LRRTM4: variants seen among roughly 807,000 people sequenced by gnomAD.
LRRTM4 encodes leucine-rich repeat transmembrane neuronal protein 4.
Under a neutral mutation model 47.6 loss-of-function variants are expected in LRRTM4, and 25 were observed. That is an observed-to-expected ratio of 0.53 (90% CI 0.38 to 0.73). The LOEUF (loss-of-function observed/expected upper bound fraction) is 0.73. Ranked by LOEUF, LRRTM4 falls within the 30% of genes least tolerant of loss-of-function variation. The probability of loss-of-function intolerance (pLI) is 0.00; values close to 1 mark genes in which losing one functional copy is unlikely to be tolerated. For missense variants in LRRTM4, 638 were observed against 713.4 expected (o/e 0.89, Z 1.20); for synonymous variants, 311 against 269.5 (o/e 1.15, Z -1.51).
intron 3 of LRRTM4, among the ~76,000 whole-genome samples, chr2:76,824,467 C>T (rs1224033501): frequency 6.6e-6 from 1 of 151,484 alleles, no homozygotes; most frequent in Non-Finnish European, 1.5e-5. Flanking sequence ...TTTTGAGTAG[C>T]ACATATACAC....
chr2:76,915,950 A>T (rs559940138), intron 3 of LRRTM4, among the ~76,000 whole-genome samples: 1 of 152,288 alleles, frequency 6.6e-6, no homozygotes, highest in South Asian at 2.1e-4. Flanking sequence ...GCCTCTTAAA[A>T]GGCAGTTTGT....
At chr2:77,349,541 T>C (rs74924607) in intron 3 of LRRTM4, among the ~76,000 whole-genome samples, 1 of 152,204 alleles carries the variant, frequency 6.6e-6, no homozygotes, top group African/African-American at 2.4e-5. Context: ...TAGAGTTTTG[T>C]TGTCGTTTGT....
At chr2:77,256,623 T>C (rs1323431742) in intron 3 of LRRTM4, among the ~76,000 whole-genome samples, 1 of 152,166 alleles carries the variant, frequency 6.6e-6, no homozygotes, top group Non-Finnish European at 1.5e-5. Context: ...ATTTAAGACA[T>C]GACTTTGTTT....
chr2:77,515,830 C>T (rs759234671), intron 3 of LRRTM4, among the ~76,000 whole-genome samples: 2 of 151,678 alleles, frequency 1.3e-5, no homozygotes, highest in Admixed American at 6.6e-5. Flanking sequence ...AATTTTACTC[C>T]GAGTGACAAA....
At chr2:76,924,915 G>A (rs535866774) in intron 3 of LRRTM4, among the ~76,000 whole-genome samples, 1 of 151,982 alleles carries the variant, frequency 6.6e-6, no homozygotes, top group Non-Finnish European at 1.5e-5. Context: ...TAACTTTAAA[G>A]CCGGAACCCT....
chr2:76,944,990 G>T (rs1246415565), intron 3 of LRRTM4, among the ~76,000 whole-genome samples: 1 of 152,018 alleles, frequency 6.6e-6, no homozygotes, highest in Admixed American at 6.6e-5. Context: ...AAACTACACA[G>T]TTTGAAGAAT....
At chr2:76,876,917 T>A (rs1209343855) in intron 3 of LRRTM4, among the ~76,000 whole-genome samples, 1 of 152,114 alleles carries the variant, frequency 6.6e-6, no homozygotes, top group Admixed American at 6.5e-5. Context: ...AGTCACACTG[T>A]TAAATTGTTT....
chr2:77,003,321 C>T (rs967559006), intron 3 of LRRTM4, among the ~76,000 whole-genome samples: 2 of 151,826 alleles, frequency 1.3e-5, no homozygotes, highest in Admixed American at 6.6e-5. Flanking sequence ...TTATGTAGAG[C>T]TTATAATATA....
chr2:76,773,622 A>T (rs1437387840), intron 3 of LRRTM4, among the ~76,000 whole-genome samples: 1 of 151,834 alleles, frequency 6.6e-6, no homozygotes, highest in Non-Finnish European at 1.5e-5. Flanking sequence ...TAAAAATAAA[A>T]AATAAATAAT....
intron 3 of LRRTM4, among the ~76,000 whole-genome samples, chr2:77,306,897 ATTTT>A (rs774697360): frequency 5.3e-5 from 6 of 112,412 alleles, no homozygotes; most frequent in African/African-American, 2.2e-4. Context: ...GCTTTTCCAT[ATTTT>A]TTTTTTTTTT....
intron 3 of LRRTM4, among the ~76,000 whole-genome samples, chr2:77,010,328 T>A (rs1677822126): frequency 7.0e-6 from 1 of 143,738 alleles, no homozygotes; most frequent in Non-Finnish European, 1.5e-5. Context: ...TATTTTACTT[T>A]CTGTTTCTAT....
chr2:77,156,103 C>A (rs1672553044), intron 3 of LRRTM4, among the ~76,000 whole-genome samples: 1 of 151,740 alleles, frequency 6.6e-6, no homozygotes, highest in Non-Finnish European at 1.5e-5. Context: ...ATAAAGTACT[C>A]TGAAAGGTAT....
chr2:77,424,271 T>C (rs1190369310), intron 3 of LRRTM4, among the ~76,000 whole-genome samples: 2 of 152,036 alleles, frequency 1.3e-5, no homozygotes, highest in East Asian at 1.9e-4. Flanking sequence ...GTTTTTGAAA[T>C]AAGAAGCAAT....
At chr2:77,253,298 A>G (rs546667173) in intron 3 of LRRTM4, among the ~76,000 whole-genome samples, 22 of 152,242 alleles carry the variant, frequency 1.4e-4, no homozygotes, top group Admixed American at 1.1e-3. Context: ...CCCTACTTTT[A>G]CCTGGGTTGG....
At chr2:76,794,897 T>G (rs1474706787) in intron 3 of LRRTM4, among the ~76,000 whole-genome samples, 1 of 152,092 alleles carries the variant, frequency 6.6e-6, no homozygotes. Context: ...ACCACAGTTG[T>G]AGAAAAATTA....
rs1179624374 is a variant in LRRTM4 at position 77,407,732 on chromosome 2, A to G, written c.1551+110586T>C. ...TATATCATATATTATATTATATATT[A>G]TATATTATATTCTATTATATTATGA... is the stretch of plus-strand genomic sequence containing the variant. On this transcript the variant is annotated intron_variant, in intron 3 of 3. Coordinates refer to ENST00000409884, the MANE Select transcript of LRRTM4 (RefSeq NM_001134745.3). Among the ~76,000 whole-genome samples the G allele has an allele frequency of 2.1e-5, 3 of 142,506 alleles. No individual in the cohort carries two copies. The East Asian group carries it at 5.9e-4, about 28-fold the overall frequency. 93.5% of individuals were successfully genotyped at this position (142,506 alleles called of 152,430 possible).
intron 3 of LRRTM4, among the ~76,000 whole-genome samples, chr2:77,138,862 A>G (rs1672029785): frequency 6.6e-6 from 1 of 152,232 alleles, no homozygotes; most frequent in African/African-American, 2.4e-5. Flanking sequence ...CAAATAAACT[A>G]GAAAATCTAG....
chr2:76,767,432 A>T (rs1442469350), intron 3 of LRRTM4, among the ~76,000 whole-genome samples: 1 of 152,172 alleles, frequency 6.6e-6, no homozygotes, highest in African/African-American at 2.4e-5. Flanking sequence ...ATTCCCATTT[A>T]AAAAATGGTA....
intron 3 of LRRTM4, among the ~76,000 whole-genome samples, chr2:77,287,656 C>T (rs1040066274): frequency 6.6e-6 from 1 of 152,050 alleles, no homozygotes; most frequent in African/African-American, 2.4e-5. Flanking sequence ...ATTTCTTTAT[C>T]CACTACAGAG....
Sources: gnomAD v4.1 joint callset for allele counts (sites outside exome capture counted in the v4.1 genomes callset) on GRCh38, gnomAD v4.1.1 for gene constraint, MANE v1.5 for transcripts, NCBI Gene and HGNC (gene_info 2026-07-23, HGNC 2026-07-21) for gene names.